WDR64: variants seen among roughly 807,000 people sequenced by gnomAD.
The protein encoded by WDR64 is WD repeat domain 64, also known as WD repeat-containing protein 64.
WDR64 carries 112 observed loss-of-function variants against 139.3 expected under a neutral mutation model. The ratio of observed to expected loss-of-function variants is 0.80; its 90% confidence interval spans 0.69 to 0.94. WDR64 has a LOEUF of 0.94. Ranked by LOEUF, WDR64 falls within the 40% of genes least tolerant of loss-of-function variation. WDR64 has a pLI of 0.00. For missense variants in WDR64, 1,206 were observed against 1,293.1 expected (o/e 0.93, Z 1.03); for synonymous variants, 444 against 437.7 (o/e 1.01, Z -0.18).
intron 10 of WDR64, among the ~76,000 whole-genome samples, chr1:241,734,788 G>A (rs921211331): frequency 3.3e-5 from 5 of 151,964 alleles, no homozygotes; most frequent in African/African-American, 9.7e-5. Flanking sequence ...GCATAACCAC[G>A]TTTCTGTCAA....
At chr1:241,737,852 C>G (rs1329573273) in intron 10 of WDR64, among the ~76,000 whole-genome samples, 1 of 152,026 alleles carries the variant, frequency 6.6e-6, no homozygotes, top group Non-Finnish European at 1.5e-5. Flanking sequence ...GTGTCTATAC[C>G]ATCCCTAAAA....
In WDR64 at chr1:241,683,687, A is replaced by G. The variant is rs191562984; in HGVS notation, c.825A>G (p.Ser275=). Residue 275 remains serine (S), a synonymous_variant, in exon 7 of 28, where the codon TCA becomes TCG. Coordinates refer to ENST00000437684, the MANE Select transcript of WDR64 (RefSeq NM_001367482.1). ...AATTACAAAATCAGGTCTTAGACTC[A>G]AAGAACTTTAAAAGGTAAGAGTATC... is the stretch of plus-strand genomic sequence containing the variant. ...KRKLQNQVLD[S]KNFKSVKRKL... is the part of the protein sequence containing the mutation. 6.5e-7 allele frequency: 1 copy of G among 1,548,956 alleles called. No homozygotes were observed. The highest frequency in any genetic ancestry group is 8.7e-7 in the Non-Finnish European group (1 of 1,145,362).
chr1:241,749,326 CTGTT>C (rs1558505921), intron 13 of WDR64, among the ~76,000 whole-genome samples: 2 of 152,116 alleles, frequency 1.3e-5, no homozygotes, highest in Admixed American at 6.5e-5. Flanking sequence ...TTGCCTGGTC[CTGTT>C]TATTTATTTA....
chr1:241,775,465 C>T (rs1377883312), intron 21 of WDR64, among the ~76,000 whole-genome samples: 1 of 152,122 alleles, frequency 6.6e-6, no homozygotes, highest in Non-Finnish European at 1.5e-5. Context: ...GTGTATGTGT[C>T]TACCCATCTG....
At chr1:241,667,782 C>T (rs1000577025) in intron 2 of WDR64, among the ~76,000 whole-genome samples, 2 of 152,156 alleles carry the variant, frequency 1.3e-5, no homozygotes, top group Non-Finnish European at 2.9e-5. Flanking sequence ...CTACTGACAC[C>T]TTCATATTAG....
intron 13 of WDR64, among the ~76,000 whole-genome samples, chr1:241,746,828 C>T (rs1485290906): frequency 1.3e-5 from 2 of 150,556 alleles, no homozygotes; most frequent in Non-Finnish European, 2.9e-5. Context: ...CGCAGGGTCT[C>T]GGCTCACTGC....
chr1:241,682,176 A>C (rs1379332145), intron 6 of WDR64, among the ~76,000 whole-genome samples: 1 of 151,978 alleles, frequency 6.6e-6, no homozygotes, highest in African/African-American at 2.4e-5. Flanking sequence ...TTGCTCTTGG[A>C]TTCTTGGTCA....
chr1:241,712,358 G>A (rs769314966), intron 9 of WDR64, among the ~76,000 whole-genome samples: 3 of 152,152 alleles, frequency 2.0e-5, no homozygotes, highest in African/African-American at 4.8e-5. Flanking sequence ...CAATCTTGAA[G>A]AATACCAACA....
At chr1:241,696,191 T>C (rs1483923231) in intron 8 of WDR64, among the ~76,000 whole-genome samples, 1 of 147,762 alleles carries the variant, frequency 6.8e-6, no homozygotes, top group Non-Finnish European at 1.5e-5. Flanking sequence ...GCACCTGGAT[T>C]TTTTTCTTTC....
intron 13 of WDR64, among the ~76,000 whole-genome samples, chr1:241,748,808 T>C (rs796393380): frequency 4.3e-4 from 65 of 150,992 alleles, no homozygotes; most frequent in South Asian, 2.9e-3. Context: ...GGTGTGGTGG[T>C]GGGCGCCTGC....
At chr1:241,791,053 G>A (rs968801257) in intron 25 of WDR64, among the ~76,000 whole-genome samples, 7 of 152,196 alleles carry the variant, frequency 4.6e-5, no homozygotes, top group Admixed American at 3.9e-4. Flanking sequence ...TTGGGAGGCC[G>A]AGGTGTGTGG....
chr1:241,759,707 A>T lies in WDR64; in HGVS notation c.1947+2248A>T, dbSNP rs531838572. On this transcript the variant is annotated intron_variant, in intron 15 of 27. Coordinates refer to ENST00000437684, the MANE Select transcript of WDR64 (RefSeq NM_001367482.1). ...GAGATCTTCACCTTTCTTTTTTTTT[A>T]AATTGTGGTAACATACACGTAAAGT... is the stretch of plus-strand genomic sequence containing the variant. Among the ~76,000 whole-genome samples, 9 of 151,946 alleles carry T rather than the reference A, an allele frequency of 5.9e-5. No homozygotes were observed. The South Asian group carries it at 1.5e-3, about 25-fold the overall frequency.
chr1:241,740,017 A>T (rs1291999665), intron 11 of WDR64, among the ~76,000 whole-genome samples: 2 of 152,148 alleles, frequency 1.3e-5, no homozygotes, highest in Non-Finnish European at 2.9e-5. Context: ...CATTACAATC[A>T]TCTATTTTTT....
chr1:241,683,716 C>G lies in WDR64; in HGVS notation c.839+15C>G, dbSNP rs10802979. 13,957 of 1,516,278 alleles carry G rather than the reference C, an allele frequency of 9.2e-3. 115 individuals carry two copies. Among genetic ancestry groups the G allele is most frequent in the Middle Eastern group, 0.02 (111 of 5,462 alleles). The allele number at this position is 1,516,278 out of a possible 1,614,324, so 93.9% of individuals were successfully genotyped here. ...AACTTTAAAAGGTAAGAGTATCATA[C>G]AGTTAATTTAATTCTTTTAATAATT... On this transcript the variant is annotated intron_variant, in intron 7 of 27. Transcript: ENST00000437684.
chr1:241,796,246 A>G lies in WDR64; in HGVS notation c.3079-11A>G. On this transcript the variant is annotated splice_polypyrimidine_tract_variant and intron_variant, in intron 26 of 27. Coordinates refer to ENST00000437684, the MANE Select transcript of WDR64 (RefSeq NM_001367482.1). ...TTGAGTGTGTCTCACTGACTAATTT[A>G]TGGCTTCCAGATATCAAGCCCCACT... 1 of 1,595,844 alleles carries G rather than the reference A, an allele frequency of 6.3e-7. No individual in the cohort carries two copies. Among genetic ancestry groups the G allele is most frequent in the Non-Finnish European group, 8.6e-7 (1 of 1,164,928 alleles).
At chr1:241,696,143 C>CAAAAAAAAAAAAAAAAA (rs1553366775) in intron 8 of WDR64, among the ~76,000 whole-genome samples, 1 of 52,908 alleles carries the variant, frequency 1.9e-5, no homozygotes, top group African/African-American at 9.9e-5. Context: ...AAAAAAAAAG[C>CAAAAAAAAAAAAAAAAA]ATTAGTCTGA....
At chr1:241,733,747 C>T (rs1386505471) in intron 10 of WDR64, among the ~76,000 whole-genome samples, 1 of 151,850 alleles carries the variant, frequency 6.6e-6, no homozygotes, top group Non-Finnish European at 1.5e-5. Flanking sequence ...CCTTGATTTT[C>T]TCTACAAGTC....
intron 9 of WDR64, among the ~76,000 whole-genome samples, chr1:241,719,731 GC>G (rs1277684963): frequency 6.6e-6 from 1 of 152,048 alleles, no homozygotes; most frequent in African/African-American, 2.4e-5. Context: ...CTAATGGGTG[GC>G]CCAATATATA....
chr1:241,801,835 G>A lies in WDR64; in HGVS notation c.*620G>A, dbSNP rs1659533906. On this transcript the variant is annotated 3_prime_UTR_variant, in exon 28 of 28. Coordinates refer to ENST00000437684, the MANE Select transcript of WDR64 (RefSeq NM_001367482.1). Reference sequence around the variant, plus strand: ...GAAATAGAAAAAGCATAGTAACATGGTAGATTTAACCTTAAATATATCAAT... The same window carrying A: ...GAAATAGAAAAAGCATAGTAACATGATAGATTTAACCTTAAATATATCAAT... 1 of 398,004 alleles carries A rather than the reference G, an allele frequency of 2.5e-6. No individual in the cohort carries two copies. The highest frequency in any genetic ancestry group is 4.4e-6 in the Non-Finnish European group (1 of 225,882). 24.7% of individuals were successfully genotyped at this position (398,004 alleles called of 1,614,324 possible). A position where few individuals can be genotyped will look rare whatever the true frequency, so the allele number is the denominator to read the frequency against.
Sources: gnomAD v4.1 joint callset for allele counts (sites outside exome capture counted in the v4.1 genomes callset) on GRCh38, gnomAD v4.1.1 for gene constraint, MANE v1.5 for transcripts, NCBI Gene and HGNC (gene_info 2026-07-23, HGNC 2026-07-21) for gene names.